The following KHDRBS2 variants were observed in gnomAD, a reference collection of about 807,000 sequenced individuals.
The protein encoded by KHDRBS2 is KH domain-containing, RNA-binding, signal transduction-associated protein 2.
A neutral mutation model predicts 44.3 loss-of-function variants in KHDRBS2; 26 were observed. That is an observed-to-expected ratio of 0.59 (90% CI 0.43 to 0.81). KHDRBS2 has a LOEUF of 0.81. KHDRBS2 is among the 40% of genes least tolerant of loss of function. The pLI, the probability that KHDRBS2 is intolerant of heterozygous loss-of-function variation, is 0.00. For synonymous variants in KHDRBS2, 194 were observed against 151.1 expected (o/e 1.28, Z -2.08); for missense variants, 476 against 433.1 (o/e 1.10, Z -0.88).
intron 2 of KHDRBS2, among the ~76,000 whole-genome samples, chr6:62,176,605 C>T (rs1397025745): frequency 6.6e-6 from 1 of 151,024 alleles, no homozygotes; most frequent in Non-Finnish European, 1.5e-5. Context: ...TTGATAAAAC[C>T]ATGCCACTGA....
chr6:61,804,742 C>T (rs576396530), intron 6 of KHDRBS2, among the ~76,000 whole-genome samples: 41 of 152,322 alleles, frequency 2.7e-4, no homozygotes, highest in African/African-American at 4.8e-4. Context: ...CTGACCTGTA[C>T]GTTGGCCCCT....
chr6:61,662,092 T>C, the KHDRBS2 span, among the ~76,000 whole-genome samples: 31 of 151,866 alleles, frequency 2.0e-4, no homozygotes, highest in Non-Finnish European at 4.0e-4. Context: ...GAAATAATGC[T>C]GCATATCTAC....
intron 1 of KHDRBS2, among the ~76,000 whole-genome samples, chr6:62,245,237 T>A (rs1158774339): frequency 6.6e-6 from 1 of 152,158 alleles, no homozygotes; most frequent in East Asian, 1.9e-4. Context: ...TTTCAACATA[T>A]TTTTGGTTGT....
At chr6:61,904,831 A>T (rs1188938569) in intron 4 of KHDRBS2, among the ~76,000 whole-genome samples, 2 of 152,122 alleles carry the variant, frequency 1.3e-5, no homozygotes, top group African/African-American at 2.4e-5. Flanking sequence ...AGATTTTCCT[A>T]ACATAACTCT....
intron 2 of KHDRBS2, among the ~76,000 whole-genome samples, chr6:62,117,393 A>G (rs1806520341): frequency 6.6e-6 from 1 of 152,028 alleles, no homozygotes; most frequent in Non-Finnish European, 1.5e-5. Context: ...GACCATTTGG[A>G]TATCTTTTTT....
chr6:61,719,646 C>T (rs1180076305), intron 7 of KHDRBS2, among the ~76,000 whole-genome samples: 2 of 152,082 alleles, frequency 1.3e-5, no homozygotes, highest in Non-Finnish European at 2.9e-5. Context: ...TATTTCTTTA[C>T]TTTTTCTCCT....
At chr6:62,105,862 G>C (rs1803117750) in intron 2 of KHDRBS2, among the ~76,000 whole-genome samples, 1 of 152,018 alleles carries the variant, frequency 6.6e-6, no homozygotes, top group South Asian at 2.1e-4. Flanking sequence ...TCTTTTAATT[G>C]TGATGTTAAG....
intron 6 of KHDRBS2, among the ~76,000 whole-genome samples, chr6:61,775,549 C>G (rs1305788326): frequency 1.3e-5 from 2 of 152,112 alleles, no homozygotes; most frequent in Admixed American, 6.5e-5. Context: ...ACAATTGCTT[C>G]AAAGAGAATA....
intron 7 of KHDRBS2, among the ~76,000 whole-genome samples, chr6:61,699,332 G>A (rs949844460): frequency 7.2e-5 from 11 of 151,886 alleles, no homozygotes; most frequent in African/African-American, 2.7e-4. Context: ...TAATCTTACT[G>A]AGGGATCTAT....
At chr6:61,674,439 C>G in the KHDRBS2 span, among the ~76,000 whole-genome samples, 1 of 151,674 alleles carries the variant, frequency 6.6e-6, no homozygotes, top group African/African-American at 2.4e-5. Context: ...TACATCTTAG[C>G]AGTGTGACAC....
chr6:61,555,807 C>G, the KHDRBS2 span, among the ~76,000 whole-genome samples: 1 of 152,158 alleles, frequency 6.6e-6, no homozygotes. Context: ...GATCAACACT[C>G]CTGGGCTATA....
chr6:61,931,418 AT>A (rs1303751577), intron 4 of KHDRBS2, among the ~76,000 whole-genome samples: 2 of 152,028 alleles, frequency 1.3e-5, no homozygotes, highest in Admixed American at 6.6e-5. Flanking sequence ...ACTATATAAA[AT>A]ATTAAAGATG....
chr6:61,995,814 GT>G (rs1378151787), intron 3 of KHDRBS2, among the ~76,000 whole-genome samples: 1 of 152,150 alleles, frequency 6.6e-6, no homozygotes, highest in Non-Finnish European at 1.5e-5. Context: ...CCACTTTTAA[GT>G]TGATTCACCA....
intron 2 of KHDRBS2, among the ~76,000 whole-genome samples, chr6:62,169,034 C>T (rs1288561670): frequency 6.9e-5 from 5 of 72,578 alleles, no homozygotes; most frequent in African/African-American, 2.2e-4. Context: ...GTTCTCCAGT[C>T]ATATATATAT....
chr6:62,279,816 T>G (rs974939668), intron 1 of KHDRBS2, among the ~76,000 whole-genome samples: 3 of 152,186 alleles, frequency 2.0e-5, no homozygotes, highest in African/African-American at 7.2e-5. Flanking sequence ...GCAAGTGTTA[T>G]TCACATGCGG....
At chr6:62,160,397 T>A (rs547252400) in intron 2 of KHDRBS2, among the ~76,000 whole-genome samples, 6 of 152,150 alleles carry the variant, frequency 3.9e-5, no homozygotes, top group African/African-American at 1.2e-4. Flanking sequence ...ATGAGGTAGG[T>A]CATTTTGTAA....
chr6:61,775,998 C>G (rs1445755384), intron 6 of KHDRBS2, among the ~76,000 whole-genome samples: 1 of 152,178 alleles, frequency 6.6e-6, no homozygotes, highest in African/African-American at 2.4e-5. Flanking sequence ...ATATCTACAA[C>G]TATCTGATCT....
At chr6:61,640,582 C>G in the KHDRBS2 span, among the ~76,000 whole-genome samples, 1 of 152,086 alleles carries the variant, frequency 6.6e-6, no homozygotes, top group East Asian at 1.9e-4. Flanking sequence ...AAGGACCCAT[C>G]ATTGTTACTC....
At position 62,026,420 on chromosome 6, in the gene KHDRBS2, A is replaced by T. The variant is rs1325659095; in HGVS notation, c.336+21458T>A. 3.7e-5 allele frequency among the ~76,000 whole-genome samples: 5 copies of T among 136,044 alleles called. No individual in the cohort carries two copies. In the East Asian group the frequency reaches 1.0e-3, roughly 28 times the overall value. The allele number at this position is 136,044 out of a possible 152,430, so 89.3% of individuals were successfully genotyped here. On this transcript the variant is annotated intron_variant, in intron 3 of 8. Coordinates refer to ENST00000281156, the MANE Select transcript of KHDRBS2 (RefSeq NM_152688.4). ...ACTAATTAATTATTTTATTTTATTT[A>T]TTATTATTATTATTATTATTTTTTT...
Sources: allele counts gnomAD v4.1 joint callset (sites outside exome capture counted in the v4.1 genomes callset), GRCh38; gene constraint gnomAD v4.1.1; transcripts MANE v1.5; gene names NCBI Gene and HGNC (gene_info 2026-07-23, HGNC 2026-07-21).